The following KCNG1 variants were observed in gnomAD, a reference collection of about 807,000 sequenced individuals.
KCNG1 encodes the protein voltage-gated potassium channel regulatory subunit KCNG1.
A neutral mutation model predicts 32.4 loss-of-function variants in KCNG1; 17 were observed. The observed-to-expected ratio is 0.52, with a 90% CI of 0.36 to 0.79. The LOEUF (loss-of-function observed/expected upper bound fraction) is 0.79, where lower values mean the gene tolerates loss of function less well. Among genes scored for constraint, KCNG1 ranks in the 30% least tolerant of loss-of-function variants. The pLI, the probability that KCNG1 is intolerant of heterozygous loss-of-function variation, is 0.00. For missense variants in KCNG1, 441 were observed against 735.2 expected (o/e 0.60, Z 4.63); for synonymous variants, 358 against 339.9 (o/e 1.05, Z -0.59).
intron 2 of KCNG1, among the ~76,000 whole-genome samples, chr20:51,008,291 G>A (rs533715538): frequency 7.2e-5 from 11 of 152,156 alleles, no homozygotes; most frequent in South Asian, 2.1e-4. Context: ...TGTTGGTGGC[G>A]GGGCAGGGGG....
At chr20:51,010,434 C>T (rs6122994) in intron 1 of KCNG1, 70 bp from the exon 2 acceptor site, 459,883 of 1,061,404 alleles carry the variant, frequency 0.43, 103,149 homozygotes, top group Admixed American at 0.5. Context: ...ATGCAGATTC[C>T]GCAGATATTC....
At chr20:51,012,618 G>A (rs535632059) in intron 1 of KCNG1, among the ~76,000 whole-genome samples, 3 of 152,288 alleles carry the variant, frequency 2.0e-5, no homozygotes, top group South Asian at 2.1e-4. Flanking sequence ...TTGTGCTACT[G>A]GAACAAGATT....
Position 51,004,755 on chromosome 20 carries a change from C to G in KCNG1, c.826G>C (p.Val276Leu). The stretch of plus-strand genomic sequence containing the variant: ...AGGAACTCCAGGGAGAACCAGCCCA[C>G]GCACACCGACTCCACGATGAAGACG... The part of the protein sequence containing the change: ...HNVFIVESVC[V>L]GWFSLEFLLR... The change falls in exon 3 of 3, where the codon GTG (valine) becomes CTG (leucine). Residue 276 changes from valine to leucine, a missense_variant. By Grantham distance (32) the Val-to-Leu change is conservative. Transcript: ENST00000371571. This position sits in a 1 kb window ranked among gnomAD's most constrained non-coding sequence, Gnocchi z 4.3. 2 of 1,589,908 alleles carry G rather than the reference C, an allele frequency of 1.3e-6. No homozygotes were observed. Among genetic ancestry groups the G allele is most frequent in the African/African-American group, 1.3e-5 (1 of 74,592 alleles).
intron 1 of KCNG1, chr20:51,014,176 C>T (rs1329103676): frequency 1.3e-5 from 2 of 152,194 alleles, no homozygotes; most frequent in Non-Finnish European, 2.9e-5. Flanking sequence ...TTCTCAAAGC[C>T]AGAGTCCCCT....
intron 1 of KCNG1, among the ~76,000 whole-genome samples, chr20:51,018,476 G>A (rs993417578): frequency 6.6e-6 from 1 of 152,102 alleles, no homozygotes; most frequent in Non-Finnish European, 1.5e-5. Flanking sequence ...GTCTCTCTCC[G>A]GGGTTCCAAC....
chr20:51,014,104 A>C (rs1988191278), intron 1 of KCNG1: 2 of 152,204 alleles, frequency 1.3e-5, no homozygotes, highest in African/African-American at 2.4e-5. Flanking sequence ...CTGTCTCGGC[A>C]GCAGGGTGAG....
chr20:51,021,106 C>T (rs895117895), intron 1 of KCNG1, among the ~76,000 whole-genome samples: 11 of 152,234 alleles, frequency 7.2e-5, no homozygotes, highest in Non-Finnish European at 1.3e-4. Context: ...CTGTAGGCTG[C>T]GGGCCTGGGC....
rs145389410 is a variant in KCNG1 at position 51,004,675 on chromosome 20, C to T, written c.906G>A (p.Thr302=). 2.1e-4 allele frequency: 333 copies of T among 1,602,516 alleles called. No individual in the cohort carries two copies. Among genetic ancestry groups the T allele is most frequent in the Non-Finnish European group, 5.1e-5 (60 of 1,174,668 alleles). Residue 302 remains threonine (T), a synonymous_variant, in exon 3 of 3, where the codon ACG becomes ACA. Transcript: ENST00000371571. The surrounding 1 kb of genome is among the most constrained non-coding windows in gnomAD (Gnocchi z 4.3). ...GCAGGATGGCCACCAGGTCGATCAG[C>T]GTCAGCGGGCTCCGCAGGAAGGCGA... ...SKFAFLRSPL[T]LIDLVAILPY...
chr20:51,014,949 A>G (rs1988225169), intron 1 of KCNG1, among the ~76,000 whole-genome samples: 1 of 152,160 alleles, frequency 6.6e-6, no homozygotes, highest in South Asian at 2.1e-4. Context: ...CAAAGACCAG[A>G]GAATGCAGAG....
chr20:51,008,409 C>T (rs975708105), intron 2 of KCNG1, among the ~76,000 whole-genome samples: 10 of 152,160 alleles, frequency 6.6e-5, no homozygotes, highest in Non-Finnish European at 1.5e-4. Context: ...TGGCTCACTG[C>T]AGCCTTACCT....
rs549915326 is a variant in KCNG1 at position 51,018,871 on chromosome 20, C to T, written c.-27+3999G>A. Among the ~76,000 whole-genome samples the T allele has an allele frequency of 2.8e-4, 42 of 152,284 alleles. 1 individual carries two copies. The highest frequency in any genetic ancestry group is 3.4e-3 in the Middle Eastern group (1 of 294). On this transcript the variant is annotated intron_variant, in intron 1 of 2. Transcript: ENST00000371571. ...GCCTCCTTGAACCACTTGTTCCTTT[C>T]GGGGAGCTGGTGTGGTGTCTCCACC...
chr20:51,006,011 GCCTC>G (rs1027897330), intron 2 of KCNG1: 1 of 151,814 alleles, frequency 6.6e-6, no homozygotes, highest in African/African-American at 2.4e-5. Context: ...GTGTCAGTGG[GCCTC>G]CCATACAGAA....
At chr20:51,009,173 C>T (rs1028991491) in intron 2 of KCNG1, among the ~76,000 whole-genome samples, 3 of 152,098 alleles carry the variant, frequency 2.0e-5, no homozygotes, top group African/African-American at 4.8e-5. Context: ...GAGAAAGGAC[C>T]GAATGGTTGA....
At chr20:51,011,204 T>G (rs1215174233) in intron 1 of KCNG1, among the ~76,000 whole-genome samples, 1 of 152,220 alleles carries the variant, frequency 6.6e-6, no homozygotes, top group African/African-American at 2.4e-5. Context: ...AATTCTCCCA[T>G]ATCCATCTAT....
At chr20:51,007,752 T>C (rs1047423999) in intron 2 of KCNG1, among the ~76,000 whole-genome samples, 2 of 152,000 alleles carry the variant, frequency 1.3e-5, no homozygotes, top group African/African-American at 4.8e-5. Context: ...TCCAGTACAG[T>C]GTAATCTTAG....
intron 1 of KCNG1, among the ~76,000 whole-genome samples, chr20:51,022,433 TG>T (rs1333048086): frequency 6.6e-6 from 1 of 152,058 alleles, no homozygotes; most frequent in Non-Finnish European, 1.5e-5. Context: ...AGGCCCACGG[TG>T]GGGGTGAAGG....
chr20:51,014,033 A>G (rs1383313059), intron 1 of KCNG1: 2 of 152,068 alleles, frequency 1.3e-5, no homozygotes, highest in African/African-American at 2.4e-5. Flanking sequence ...AACTCCCCCA[A>G]TTAGTGATTT....
At chr20:51,021,707 G>A (rs1601111649) in intron 1 of KCNG1, among the ~76,000 whole-genome samples, 1 of 152,152 alleles carries the variant, frequency 6.6e-6, no homozygotes, top group East Asian at 1.9e-4. Flanking sequence ...CATTTACCTG[G>A]GTAACTTTGG....
chr20:51,022,652 A>G (rs1398944373), intron 1 of KCNG1: 1 of 152,060 alleles, frequency 6.6e-6, no homozygotes. Flanking sequence ...CCGGACCCGC[A>G]CCTTGGCCGT....
Sources: allele counts gnomAD v4.1 joint callset (sites outside exome capture counted in the v4.1 genomes callset), GRCh38; gene constraint gnomAD v4.1.1; non-coding constraint Gnocchi (gnomAD v3.1); transcripts MANE v1.5; gene names NCBI Gene and HGNC (gene_info 2026-07-23, HGNC 2026-07-21).